Variants in FAM219A observed in about 807,000 individuals in gnomAD.
FAM219A encodes family with sequence similarity 219 member A.
In FAM219A, 7 loss-of-function variants were observed where a neutral mutation model predicts 23.4. The ratio of observed to expected loss-of-function variants is 0.30; its 90% CI spans 0.17 to 0.56. The LOEUF is 0.56. Among genes scored for constraint, FAM219A ranks in the 20% least tolerant of loss-of-function variants. FAM219A has a pLI of 0.92. For missense variants in FAM219A, 166 were observed against 246.9 expected (o/e 0.67, Z 2.20); for synonymous variants, 93 against 99.0 (o/e 0.94, Z 0.36).
chr9:34,448,988 C>T, intron 1 of FAM219A, among the ~76,000 whole-genome samples: 1 of 120,430 alleles, frequency 8.3e-6, no homozygotes, highest in East Asian at 2.2e-4. Context: ...TCCCCAAAAA[C>T]TATCGGAAAA....
At chr9:34,407,574 G>C (rs7847950) in intron 1 of FAM219A, among the ~76,000 whole-genome samples, 53,651 of 152,072 alleles carry the variant, frequency 0.35, 9,891 homozygotes, top group African/African-American at 0.46. Context: ...AAAGCATGCA[G>C]GGAGGGACAT....
Position 34,457,238 on chromosome 9 carries a change from G to A in FAM219A, c.60+966C>T, listed in dbSNP as rs2132029782. ...CTCTTCCCCCCTCACTATACGAGCT[G>A]GCTAGGCCTCCACGTCTCCCACCCG... On this transcript the variant is annotated intron_variant, in intron 1 of 5. Transcript: ENST00000651358. This position sits in a 1 kb window ranked among gnomAD's most constrained non-coding sequence, Gnocchi z 5.1. 6.6e-6 allele frequency among the ~76,000 whole-genome samples: 1 copy of A among 152,330 alleles called. No homozygotes were observed. The highest frequency in any genetic ancestry group is 2.1e-4 in the South Asian group (1 of 4,828).
At chr9:34,423,501 G>A (rs942381074) in intron 1 of FAM219A, among the ~76,000 whole-genome samples, 17 of 152,224 alleles carry the variant, frequency 1.1e-4, no homozygotes, top group African/African-American at 3.9e-4. Flanking sequence ...GTTAGGGGAC[G>A]AAGTGGCAGG....
chr9:34,398,543 C>T lies in FAM219A; in HGVS notation c.*2421G>A, dbSNP rs1017045793. On this transcript the variant is annotated 3_prime_UTR_variant, in exon 6 of 6. Transcript: ENST00000651358. Reference sequence around the variant, plus strand: ...TCTCTCTGCCACACATGCACTGCCTCAGTTGGAAGCCCTTGCCTGCCAGGG... The same window carrying T: ...TCTCTCTGCCACACATGCACTGCCTTAGTTGGAAGCCCTTGCCTGCCAGGG... 2.3e-5 allele frequency: 15 copies of T among 649,864 alleles called. No homozygotes were observed. The highest frequency in any genetic ancestry group is 4.0e-5 in the Non-Finnish European group (15 of 379,558). 40.3% of individuals were successfully genotyped at this position (649,864 alleles called of 1,614,324 possible).
chr9:34,403,569 C>T (rs1563997616), intron 2 of FAM219A, among the ~76,000 whole-genome samples: 1 of 152,224 alleles, frequency 6.6e-6, no homozygotes, highest in Non-Finnish European at 1.5e-5. Context: ...GGTCTGAGTT[C>T]TCCAAGGTTC....
chr9:34,423,188 A>G (rs1184802404), intron 1 of FAM219A, among the ~76,000 whole-genome samples: 1 of 152,150 alleles, frequency 6.6e-6, no homozygotes, highest in Non-Finnish European at 1.5e-5. Flanking sequence ...GCCCCTGCCC[A>G]TGAAGAGCTC....
chr9:34,427,184 T>C (rs1396289844), intron 1 of FAM219A, among the ~76,000 whole-genome samples: 1 of 152,084 alleles, frequency 6.6e-6, no homozygotes, highest in Non-Finnish European at 1.5e-5. Context: ...CACCTCTTGT[T>C]TTTTTGAGAC....
rs911897305 is a variant in FAM219A at position 34,458,353 on chromosome 9, TG to T, written c.-91del. ...GCGGCGGCCCCAGGAGCCCGGCGGG[TG>T]GTGCAGACTAGGCCTCCCCGGACCA... On this transcript the variant is annotated 5_prime_UTR_variant, in exon 1 of 6. Coordinates refer to ENST00000651358, the MANE Select transcript of FAM219A (RefSeq NM_001184940.2). This position sits in a 1 kb window ranked among gnomAD's most constrained non-coding sequence, Gnocchi z 6.6. 3 of 982,508 alleles carry T rather than the reference TG, an allele frequency of 3.1e-6. No homozygotes were observed. The African/African-American group carries it at 5.2e-5, about 17-fold the overall frequency. The allele number at this position is 982,508 out of a possible 1,614,324, so 60.9% of individuals were successfully genotyped here.
chr9:34,426,327 G>A (rs1170325320), intron 1 of FAM219A, among the ~76,000 whole-genome samples: 2 of 152,008 alleles, frequency 1.3e-5, no homozygotes, highest in Admixed American at 6.6e-5. Flanking sequence ...GTCCAGGTGG[G>A]GCTAAGATGA....
intron 1 of FAM219A, among the ~76,000 whole-genome samples, chr9:34,431,729 T>A (rs1822712449): frequency 1.3e-5 from 2 of 151,788 alleles, no homozygotes; most frequent in Middle Eastern, 3.4e-3. Flanking sequence ...TAATAAAAAA[T>A]AAAAACATTT....
At chr9:34,426,949 AC>A (rs1822505652) in intron 1 of FAM219A, among the ~76,000 whole-genome samples, 1 of 147,484 alleles carries the variant, frequency 6.8e-6, no homozygotes, top group South Asian at 2.1e-4. Context: ...CTCAACCAGC[AC>A]TTTTTTTTTT....
At chr9:34,413,175 A>G (rs978722103) in intron 1 of FAM219A, among the ~76,000 whole-genome samples, 1 of 149,432 alleles carries the variant, frequency 6.7e-6, no homozygotes, top group Middle Eastern at 3.4e-3. Context: ...AGGTGAGGTG[A>G]GGAGAGGAAA....
At chr9:34,449,008 A>AAAAAAT in intron 1 of FAM219A, among the ~76,000 whole-genome samples, 1 of 137,138 alleles carries the variant, frequency 7.3e-6, no homozygotes. Context: ...AAAAAAAAAA[A>AAAAAAT]CCTCAGCCAT....
intron 1 of FAM219A, among the ~76,000 whole-genome samples, chr9:34,453,684 T>C (rs1823639277): frequency 6.6e-6 from 1 of 152,212 alleles, no homozygotes; most frequent in Non-Finnish European, 1.5e-5. Flanking sequence ...GCAGAGACCC[T>C]ATCTGGTGCC....
chr9:34,406,532 T>C, intron 1 of FAM219A: 2 of 973,104 alleles, frequency 2.1e-6, no homozygotes, highest in Non-Finnish European at 2.4e-6. Context: ...ACTTCTCCAG[T>C]TCACAAATGA....
chr9:34,398,187 C>G lies in FAM219A; in HGVS notation c.*2777G>C, dbSNP rs1821282296. The G allele has an allele frequency of 8.4e-6, 12 of 1,420,360 alleles. No homozygotes were observed. In the South Asian group the frequency reaches 1.5e-4, roughly 18 times the overall value. 88.0% of individuals were successfully genotyped at this position (1,420,360 alleles called of 1,614,324 possible). On this transcript the variant is annotated 3_prime_UTR_variant, in exon 6 of 6. Coordinates refer to ENST00000651358, the MANE Select transcript of FAM219A (RefSeq NM_001184940.2). ...ACCCCAGGGAGGGAGCTGAGGCTGG[C>G]TTGTTTGATGCTTTTAATATCATTA... is the stretch of plus-strand genomic sequence containing the variant.
At chr9:34,432,859 A>C (rs545720160) in intron 1 of FAM219A, among the ~76,000 whole-genome samples, 1 of 152,326 alleles carries the variant, frequency 6.6e-6, no homozygotes, top group Admixed American at 6.5e-5. Context: ...CAATTATTGA[A>C]TTAGTTTTAA....
At chr9:34,426,348 T>C (rs1257382455) in intron 1 of FAM219A, among the ~76,000 whole-genome samples, 1 of 152,192 alleles carries the variant, frequency 6.6e-6, no homozygotes, top group Non-Finnish European at 1.5e-5. Flanking sequence ...GTTGTATCTT[T>C]ATAGATAGGA....
intron 1 of FAM219A, among the ~76,000 whole-genome samples, chr9:34,439,977 C>G (rs984508498): frequency 6.6e-6 from 1 of 152,176 alleles, no homozygotes; most frequent in African/African-American, 2.4e-5. Context: ...CCTTCTGTGA[C>G]CGCCCAGGAG....
Sources: gnomAD v4.1 joint callset for allele counts (sites outside exome capture counted in the v4.1 genomes callset) on GRCh38, gnomAD v4.1.1 for gene constraint, Gnocchi (gnomAD v3.1) non-coding constraint, MANE v1.5 for transcripts, NCBI Gene and HGNC (gene_info 2026-07-23, HGNC 2026-07-21) for gene names.